The following POMK variants were observed in gnomAD, a reference collection of about 807,000 sequenced individuals.
The protein encoded by POMK is Sugen kinase 196.
POMK carries 19 observed loss-of-function variants against 23.0 expected under a neutral mutation model. The observed-to-expected ratio is 0.83, with a 90% confidence interval of 0.58 to 1.21. POMK has a LOEUF of 1.21. Ranked by LOEUF, POMK falls within the 50% of genes most tolerant of loss-of-function variation. The pLI, the probability that POMK is intolerant of heterozygous loss-of-function variation, is 0.00. For missense variants in POMK, 410 were observed against 431.3 expected, an observed-to-expected ratio of 0.95 and a Z score of 0.44; for synonymous variants, 173 against 171.6, an observed-to-expected ratio of 1.01 and a Z score of -0.06.
chr8:43,118,974 G>C (rs967927414), intron 4 of POMK, among the ~76,000 whole-genome samples: 2 of 152,094 alleles, frequency 1.3e-5, no homozygotes, highest in Admixed American at 1.3e-4. Context: ...ACCATGCCCG[G>C]CTAATTTTTT....
At chr8:43,108,886 A>G (rs767701590) in intron 4 of POMK, among the ~76,000 whole-genome samples, 10 of 152,254 alleles carry the variant, frequency 6.6e-5, no homozygotes, top group Admixed American at 3.9e-4. Flanking sequence ...GTGGCACACA[A>G]TAATTCAACA....
Position 43,123,077 on chromosome 8 carries a change from G to T in POMK, c.*200G>T. On this transcript the variant is annotated 3_prime_UTR_variant, in exon 5 of 5. Coordinates refer to ENST00000331373, the MANE Select transcript of POMK (RefSeq NM_032237.5). ...GTTAGATTTTTTTTTTTTTCTTTGA[G>T]ATGCGGTCTTGCTCTGTTGCTGAGG... The T allele has an allele frequency of 1.8e-6, 1 of 558,700 alleles. No homozygotes were observed. Among genetic ancestry groups the T allele is most frequent in the South Asian group, 2.2e-5 (1 of 45,288 alleles). The allele number at this position is 558,700 out of a possible 1,614,324, so 34.6% of individuals were successfully genotyped here. A position where few individuals can be genotyped will look rare whatever the true frequency, so the allele number is the denominator to read the frequency against.
chr8:43,106,934 A>G (rs915985597), intron 4 of POMK, among the ~76,000 whole-genome samples: 1 of 152,180 alleles, frequency 6.6e-6, no homozygotes, highest in African/African-American at 2.4e-5. Flanking sequence ...CAGGGGGCAT[A>G]GTTGGGGTCG....
chr8:43,123,001 T>C lies in POMK; in HGVS notation c.*124T>C. 1 of 833,592 alleles carries C rather than the reference T, an allele frequency of 1.2e-6. No homozygotes were observed. Among genetic ancestry groups the C allele is most frequent in the Admixed American group, 2.7e-5 (1 of 37,192 alleles). The allele number at this position is 833,592 out of a possible 1,614,324, so 51.6% of individuals were successfully genotyped here. ...TTGTTTTTTTTATGGCTTAGCCATG[T>C]GGTTCGTTGTCCACATCCACATGTA... On this transcript the variant is annotated 3_prime_UTR_variant, in exon 5 of 5. Transcript: ENST00000331373.
rs1465022389 is a variant in POMK at position 43,093,596 on chromosome 8, G to T, written c.-210+33G>T. On this transcript the variant is annotated intron_variant, in intron 1 of 4. Coordinates refer to ENST00000331373, the MANE Select transcript of POMK (RefSeq NM_032237.5). ...CTGCGGCGAGGGGTGAGAGGGCGAA[G>T]GGGCGAGGGGGCGTGCAGCTGGGTT... The T allele has an allele frequency of 2.6e-5, 4 of 152,754 alleles. No homozygotes were observed. The East Asian group carries it at 7.7e-4, about 29-fold the overall frequency. 9.5% of individuals were successfully genotyped at this position (152,754 alleles called of 1,614,324 possible).
At chr8:43,095,891 T>A (rs1490973621) in intron 1 of POMK, among the ~76,000 whole-genome samples, 2 of 152,202 alleles carry the variant, frequency 1.3e-5, no homozygotes, top group African/African-American at 4.8e-5. Context: ...TGAAAGGATT[T>A]ATCGCAGGGT....
chr8:43,112,899 G>C (rs1230474481), intron 4 of POMK, among the ~76,000 whole-genome samples: 1 of 152,154 alleles, frequency 6.6e-6, no homozygotes, highest in Admixed American at 6.5e-5. Context: ...TGCCCTAAAA[G>C]AGCTCCTGAA....
chr8:43,114,330 C>G (rs1055922512), intron 4 of POMK, among the ~76,000 whole-genome samples: 4 of 152,246 alleles, frequency 2.6e-5, no homozygotes, highest in African/African-American at 9.6e-5. Context: ...ACCCCTCCCC[C>G]AGGCTCGCTG....
intron 4 of POMK, among the ~76,000 whole-genome samples, chr8:43,112,748 G>A (rs1465293039): frequency 3.9e-5 from 6 of 152,298 alleles, no homozygotes; most frequent in African/African-American, 1.4e-4. Context: ...GAAGAGAGTG[G>A]GGGCCAATAT....
chr8:43,122,135 A>G lies in POMK; in HGVS notation c.311A>G (p.Lys104Arg), dbSNP rs760891127. Residue 104 changes from lysine (K) to arginine (R), a missense_variant, in exon 5 of 5, where the codon AAA becomes AGA. Transcript: ENST00000331373. ...RVFLSEWKEH[K>R]VALSQLTSLE... Reference sequence around the variant, plus strand: ...TTTCTGTCTGAGTGGAAGGAGCACAAAGTTGCACTCTCACAGCTCACCAGC... The same window carrying G: ...TTTCTGTCTGAGTGGAAGGAGCACAGAGTTGCACTCTCACAGCTCACCAGC... 9 of 1,614,154 alleles carry G rather than the reference A, an allele frequency of 5.6e-6. No individual in the cohort carries two copies. The highest frequency in any genetic ancestry group is 6.8e-6 in the Non-Finnish European group (8 of 1,180,018).
rs570462824 is a variant in POMK, at chr8:43,093,752, A to G, written c.-210+189A>G. Among the ~76,000 whole-genome samples, 764 of 152,300 alleles carry G rather than the reference A, an allele frequency of 5.0e-3. 4 individuals are homozygous for G. The highest frequency in any genetic ancestry group is 0.018 in the African/African-American group (732 of 41,568). The stretch of plus-strand genomic sequence containing the variant: ...GCCGTGTCCACCGCGCCCAGCCCCT[A>G]TCTCCGCGTCCACCCCTGCGCGGTA... On this transcript the variant is annotated intron_variant, in intron 1 of 4. Transcript: ENST00000331373.
intron 4 of POMK, among the ~76,000 whole-genome samples, chr8:43,120,249 T>A (rs971194668): frequency 6.6e-6 from 1 of 151,930 alleles, no homozygotes; most frequent in African/African-American, 2.4e-5. Flanking sequence ...TCACTCTTGT[T>A]CACCCAGGCT....
rs528307346 is a variant in POMK at position 43,122,731 on chromosome 8, C to T, written c.907C>T (p.Arg303Ter). The change falls in exon 5 of 5, where the codon CGA becomes TGA. Residue 303 changes from arginine to a stop codon, truncating the protein, a stop_gained. Transcript: ENST00000331373. LOFTEE classifies it high-confidence loss of function. ...LGHIEGSDMV[R>*]FHLFDIHKAC... ...GCACATTGAAGGGAGTGATATGGTC[C>T]GATTCCATTTGTTTGATATTCACAA... 31 of 1,614,126 alleles carry T rather than the reference C, an allele frequency of 1.9e-5. No individual in the cohort carries two copies. Among genetic ancestry groups the T allele is most frequent in the East Asian group, 4.5e-5 (2 of 44,884 alleles).
chr8:43,093,728 C>T (rs1454481272), intron 1 of POMK, among the ~76,000 whole-genome samples, 165 bp downstream of exon 1: 1 of 152,234 alleles, frequency 6.6e-6, no homozygotes, highest in African/African-American at 2.4e-5. Flanking sequence ...GCCTGAGCGG[C>T]CGTGTCCACC....
At chr8:43,112,273 C>A (rs913461488) in intron 4 of POMK, among the ~76,000 whole-genome samples, 2 of 152,140 alleles carry the variant, frequency 1.3e-5, no homozygotes, top group Non-Finnish European at 2.9e-5. Context: ...GACAAATGCA[C>A]AAGCCTCAGT....
chr8:43,101,711 A>T (rs1336556841), intron 2 of POMK, among the ~76,000 whole-genome samples: 2 of 152,116 alleles, frequency 1.3e-5, no homozygotes, highest in Admixed American at 6.5e-5. Flanking sequence ...AAAGCATGGG[A>T]TGTTTTATCC....
At chr8:43,116,031 C>T (rs1439765313) in intron 4 of POMK, among the ~76,000 whole-genome samples, 1 of 152,228 alleles carries the variant, frequency 6.6e-6, no homozygotes, top group African/African-American at 2.4e-5. Flanking sequence ...CAAAGGCCAC[C>T]CCAGTGAGAA....
intron 4 of POMK, among the ~76,000 whole-genome samples, chr8:43,108,919 A>G (rs1811594893): frequency 1.3e-5 from 2 of 152,244 alleles, no homozygotes; most frequent in Admixed American, 1.3e-4. Flanking sequence ...CTGATGACAT[A>G]TACTGAGTCA....
At chr8:43,116,296 A>G (rs1811797141) in intron 4 of POMK, among the ~76,000 whole-genome samples, 1 of 152,224 alleles carries the variant, frequency 6.6e-6, no homozygotes, top group Non-Finnish European at 1.5e-5. Flanking sequence ...TTTCAGAGAC[A>G]GAGTCTCTCT....
Sources: gnomAD v4.1 joint callset for allele counts (sites outside exome capture counted in the v4.1 genomes callset) on GRCh38, gnomAD v4.1.1 for gene constraint, MANE v1.5 for transcripts, NCBI Gene and HGNC (gene_info 2026-07-23, HGNC 2026-07-21) for gene names.